Variants in EMILIN1 observed in about 807,000 individuals in gnomAD.
EMILIN1 encodes the protein elastin microfibril interfacer 1.
Under a neutral mutation model 82.4 loss-of-function variants are expected in EMILIN1, and 49 were observed. The ratio of observed to expected loss-of-function variants is 0.59; its 90% confidence interval spans 0.47 to 0.75. The LOEUF (loss-of-function observed/expected upper bound fraction) is 0.75, where lower values mean the gene tolerates loss of function less well. EMILIN1 is among the 30% of genes least tolerant of loss of function. The pLI is 0.00. For synonymous variants in EMILIN1, 604 were observed against 602.2 expected, an observed-to-expected ratio of 1.00 and a Z score of -0.04; for missense variants, 1,313 against 1,366.4, an observed-to-expected ratio of 0.96 and a Z score of 0.62.
At chr2:27,080,414 G>C (rs1056197581) in intron 2 of EMILIN1, 144 bp downstream of exon 2, 1 of 1,184,654 alleles carries the variant, frequency 8.4e-7, no homozygotes, top group African/African-American at 1.5e-5. Context: ...GAGATACTGA[G>C]ACAACAGTTT....
chr2:27,086,157 C>T lies in EMILIN1; in HGVS notation c.*142C>T, dbSNP rs1313827599. On this transcript the variant is annotated 3_prime_UTR_variant, in exon 8 of 8. Coordinates refer to ENST00000380320, the MANE Select transcript of EMILIN1 (RefSeq NM_007046.4). ...GCAGCGGCACCGCGCCCAGAGCGGC[C>T]TCTCCCCACGCCCGGGGCGCGCCGG... The T allele has an allele frequency of 1.8e-6, 1 of 561,158 alleles. No homozygotes were observed. Among genetic ancestry groups the T allele is most frequent in the African/African-American group, 2.0e-5 (1 of 51,186 alleles). The allele number at this position is 561,158 out of a possible 1,614,324, so 34.8% of individuals were successfully genotyped here.
Position 27,085,677 on chromosome 2 carries a change from G to A in EMILIN1, c.2714-1G>A, listed in dbSNP as rs1482453118. The A allele has an allele frequency of 1.3e-6, 2 of 1,595,950 alleles. No homozygotes were observed. The highest frequency in any genetic ancestry group is 1.7e-6 in the Non-Finnish European group (2 of 1,166,622). ...CCCCTGACTGCTATCCTTGTCCCCA[G>A]GCGTGTTCACAGCGCCACTGGCTGG... On this transcript the variant is annotated splice_acceptor_variant, in intron 7 of 7. Transcript: ENST00000380320. LOFTEE classifies it high-confidence loss of function.
At position 27,079,139 on chromosome 2, in the gene EMILIN1, C is replaced by G; in HGVS notation, c.74C>G (p.Pro25Arg). 6.2e-7 allele frequency: 1 copy of G among 1,604,380 alleles called. No homozygotes were observed. Among genetic ancestry groups the G allele is most frequent in the Non-Finnish European group, 8.5e-7 (1 of 1,175,814 alleles). Residue 25 changes from proline to arginine, a missense_variant, in exon 1 of 8, where the codon CCT (proline) becomes CGT (arginine). By Grantham distance (103) the Pro-to-Arg change is moderately radical. Transcript: ENST00000380320. ...GCAGCTGCAGGGGCCGCCAGCTACCCTCCTCGAGGTTTCAGCCTCTACACA... is the reference window on the plus strand; with the variant it reads ...GCAGCTGCAGGGGCCGCCAGCTACCGTCCTCGAGGTTTCAGCCTCTACACA... ...LTAAAGAASY[P>R]PRGFSLYTGS...
Position 27,083,965 on chromosome 2 carries a change from G to A in EMILIN1, c.2394G>A (p.Gln798=). The change falls in exon 4 of 8, where the codon CAG becomes CAA. Residue 798 remains glutamine (Q), a synonymous_variant. Transcript: ENST00000380320. ...TGGGTGCCCTTAACAGCTCCCTGCA[G>A]CTCCTGGAGGACCGTCTGCACCAGC... is the stretch of plus-strand genomic sequence containing the variant. The part of the protein sequence containing the change: ...RRLGALNSSL[Q]LLEDRLHQLS... The A allele has an allele frequency of 6.4e-7, 1 of 1,557,296 alleles. No individual in the cohort carries two copies. The highest frequency in any genetic ancestry group is 1.4e-5 in the African/African-American group (1 of 73,662).
chr2:27,080,903 C>G lies in EMILIN1; in HGVS notation c.462C>G (p.Asn154Lys), dbSNP rs375870434. The change falls in exon 3 of 8, where the codon AAC (asparagine) becomes AAG (lysine). Residue 154 changes from asparagine to lysine, a missense_variant. Physicochemically the swap from Asn to Lys is moderately conservative, Grantham distance 94. Coordinates refer to ENST00000380320, the MANE Select transcript of EMILIN1 (RefSeq NM_007046.4). ...PRPLARPARP[N>K]LSGSSAGSPL... ...CCCTGGCCCGGCCTGCCCGCCCCAA[C>G]CTCTCTGGCTCCAGTGCAGGCAGCC... is the stretch of plus-strand genomic sequence containing the variant. The G allele has an allele frequency of 1.6e-5, 25 of 1,607,332 alleles. No homozygotes were observed. Among genetic ancestry groups the G allele is most frequent in the Non-Finnish European group, 2.0e-5 (23 of 1,177,244 alleles).
chr2:27,080,319 G>T, intron 2 of EMILIN1, 49 bp downstream of exon 2: 1 of 1,605,274 alleles, frequency 6.2e-7, no homozygotes, highest in Non-Finnish European at 8.5e-7. Context: ...CTGGGCGAGG[G>T]CAGATGGTGG....
chr2:27,085,316 G>A lies in EMILIN1; in HGVS notation c.2713+19G>A, dbSNP rs1337501225. On this transcript the variant is annotated intron_variant, in intron 7 of 7. Coordinates refer to ENST00000380320, the MANE Select transcript of EMILIN1 (RefSeq NM_007046.4). The stretch of plus-strand genomic sequence containing the variant: ...GAGACAGGTAGTCCTGGGAGGGGCT[G>A]GGTTGAACGGTTGGAGAAATGGGTG... 3 of 1,613,676 alleles carry A rather than the reference G, an allele frequency of 1.9e-6. No homozygotes were observed. Among genetic ancestry groups the A allele is most frequent in the African/African-American group, 1.3e-5 (1 of 75,070 alleles).
chr2:27,079,081 C>T lies in EMILIN1; in HGVS notation c.16C>T (p.Leu6Phe), dbSNP rs768860914. MAPRTLWSCYLCCLLT... is the reference protein window; with the variant it reads MAPRTFWSCYLCCLLT... ...GCGCCCCGCCATGGCCCCCCGCACCCTCTGGAGCTGCTACCTCTGCTGCCT... is the reference window on the plus strand; with the variant it reads ...GCGCCCCGCCATGGCCCCCCGCACCTTCTGGAGCTGCTACCTCTGCTGCCT... The change falls in exon 1 of 8, where the codon CTC becomes TTC. Residue 6 changes from leucine (L) to phenylalanine (F), a missense_variant. Leu to Phe is a conservative substitution (Grantham distance 22). Transcript: ENST00000380320. 6.2e-7 allele frequency: 1 copy of T among 1,603,342 alleles called. No individual in the cohort carries two copies. Among genetic ancestry groups the T allele is most frequent in the East Asian group, 2.3e-5 (1 of 43,326 alleles).
Position 27,080,846 on chromosome 2 carries a change from A to G in EMILIN1, c.405A>G (p.Pro135=), listed in dbSNP as rs766602724. ...ATGACTGTGCTGAGAGTCCCGCTCC[A>G]GCGCTGGGGCCTGCGTCTTCCACAC... ...GGDDCAESPA[P]ALGPASSTPR... is the part of the protein sequence containing the mutation. Residue 135 remains proline, a synonymous_variant, in exon 3 of 8, where the codon CCA becomes CCG. Coordinates refer to ENST00000380320, the MANE Select transcript of EMILIN1 (RefSeq NM_007046.4). 1.9e-6 allele frequency: 3 copies of G among 1,612,508 alleles called. No individual in the cohort carries two copies. The highest frequency in any genetic ancestry group is 2.2e-5 in the East Asian group (1 of 44,866).
rs768770910 is a variant in EMILIN1, at chr2:27,082,247, G to C, written c.676G>C (p.Asp226His). ...CTTCAACGGGAGGCAGCAGCCAGCT[G>C]ACGCGGCTGCCCGCCCTGGGGTGCA... is the stretch of plus-strand genomic sequence containing the variant. The part of the protein sequence containing the change: ...TAFNGRQQPA[D>H]AAARPGVHET... The change falls in exon 4 of 8, where the codon GAC (aspartate) becomes CAC (histidine). Residue 226 changes from aspartate (D) to histidine (H), a missense_variant. By Grantham distance (81) the Asp-to-His change is moderately conservative. Transcript: ENST00000380320. The C allele has an allele frequency of 6.2e-7, 1 of 1,613,310 alleles. No individual in the cohort carries two copies. Among genetic ancestry groups the C allele is most frequent in the South Asian group, 1.1e-5 (1 of 91,086 alleles).
chr2:27,083,729 T>G lies in EMILIN1; in HGVS notation c.2158T>G (p.Cys720Gly). 6.2e-7 allele frequency: 1 copy of G among 1,613,740 alleles called. No homozygotes were observed. The highest frequency in any genetic ancestry group is 8.5e-7 in the Non-Finnish European group (1 of 1,179,678). The change falls in exon 4 of 8, where the codon TGC becomes GGC. Residue 720 changes from cysteine to glycine, a missense_variant. Cys to Gly is a radical substitution (Grantham distance 159). Coordinates refer to ENST00000380320, the MANE Select transcript of EMILIN1 (RefSeq NM_007046.4). ...LEEGQAQAGQ[C>G]PSLEGRLGRL... ...GGAGGGACAAGCACAGGCCGGCCAG[T>G]GCCCCAGCTTAGAGGGGCGATTGGG...
At position 27,085,961 on chromosome 2, in the gene EMILIN1, C is replaced by A; in HGVS notation, c.2997C>A (p.Leu999=). 1 of 1,508,374 alleles carries A rather than the reference C, an allele frequency of 6.6e-7. No individual in the cohort carries two copies. The allele number at this position is 1,508,374 out of a possible 1,614,324, so 93.4% of individuals were successfully genotyped here. Residue 999 remains leucine, a synonymous_variant, in exon 8 of 8, where the codon CTC becomes CTA. Transcript: ENST00000380320. ...AGCTGGCGCACTCGGAGGAGCCGCT[C>A]ACCATCTTCAGCGGGGCCCTGCTCT... is the stretch of plus-strand genomic sequence containing the variant. ...MGQLAHSEEP[L]TIFSGALLYG... is the part of the protein sequence containing the mutation.
Position 27,080,226 on chromosome 2 carries a change from C to A in EMILIN1, c.246C>A (p.Tyr82Ter). 1.2e-6 allele frequency: 2 copies of A among 1,614,112 alleles called. No homozygotes were observed. The highest frequency in any genetic ancestry group is 2.2e-5 in the East Asian group (1 of 44,870). ...ATGGAGTGGAGACATATGTCAAGTA[C>A]CAGCCTTGTGCCTGGGGCCAGCCCC... ...LEDGVETYVK[Y>*]QPCAWGQPQC... The change falls in exon 2 of 8, where the codon TAC becomes TAA. Residue 82 changes from tyrosine (Y) to a stop codon, truncating the protein, a stop_gained. Coordinates refer to ENST00000380320, the MANE Select transcript of EMILIN1 (RefSeq NM_007046.4). LOFTEE classifies it high-confidence loss of function.
Position 27,080,364 on chromosome 2 carries a change from G to A in EMILIN1, c.290+94G>A. 2.6e-6 allele frequency: 4 copies of A among 1,519,082 alleles called. 1 individual carries two copies. In the South Asian group the frequency reaches 4.7e-5, roughly 18 times the overall value. 94.1% of individuals were successfully genotyped at this position (1,519,082 alleles called of 1,614,324 possible). On this transcript the variant is annotated intron_variant, in intron 2 of 7. Coordinates refer to ENST00000380320, the MANE Select transcript of EMILIN1 (RefSeq NM_007046.4). ...TCAGGGAGTCTGTATGAAGCAGGGA[G>A]CAAGGGCAGGACAGGGGCTAGGGTC...
rs1344966520 is a variant in EMILIN1, at chr2:27,084,030, T to G, written c.2440+19T>G. The G allele has an allele frequency of 1.2e-5, 18 of 1,460,944 alleles. 2 individuals carry two copies. In the South Asian group the frequency reaches 2.3e-4, roughly 18 times the overall value. 90.5% of individuals were successfully genotyped at this position (1,460,944 alleles called of 1,614,324 possible). On this transcript the variant is annotated intron_variant, in intron 4 of 7. Coordinates refer to ENST00000380320, the MANE Select transcript of EMILIN1 (RefSeq NM_007046.4). Reference sequence around the variant, plus strand: ...CTCACTGGTGAGGGGACAAAAGGCATGAGGGGACCCCTTTCAAGCCCCTTA... The same window carrying G: ...CTCACTGGTGAGGGGACAAAAGGCAGGAGGGGACCCCTTTCAAGCCCCTTA...
Position 27,084,485 on chromosome 2 carries a change from A to G in EMILIN1, c.2511A>G (p.Pro837=). The part of the protein sequence containing the change: ...LQGPPGPAGP[P]GSPGKDGQEG... The stretch of plus-strand genomic sequence containing the variant: ...GACCCCCAGGCCCTGCTGGACCTCC[A>G]GGATCACCAGGCAAGGACGGGCAAG... Residue 837 remains proline (P), a synonymous_variant, in exon 5 of 8, where the codon CCA becomes CCG. Coordinates refer to ENST00000380320, the MANE Select transcript of EMILIN1 (RefSeq NM_007046.4). 1 of 1,613,248 alleles carries G rather than the reference A, an allele frequency of 6.2e-7. No homozygotes were observed. The highest frequency in any genetic ancestry group is 8.5e-7 in the Non-Finnish European group (1 of 1,179,858).
intron 2 of EMILIN1, 83 bp downstream of exon 2, chr2:27,080,353 T>C: frequency 4.5e-6 from 7 of 1,563,750 alleles, no homozygotes; most frequent in Non-Finnish European, 6.1e-6. Flanking sequence ...GGAGTCTGTA[T>C]GAAGCAGGGA....
At position 27,085,167 on chromosome 2, in the gene EMILIN1, G is replaced by A. The variant is rs1669580478; in HGVS notation, c.2583G>A (p.Glu861=). The A allele has an allele frequency of 6.2e-7, 1 of 1,614,152 alleles. No homozygotes were observed. The highest frequency in any genetic ancestry group is 8.5e-7 in the Non-Finnish European group (1 of 1,180,036). ...TCCACCCTTCCCACTCAGGAGTGGA[G>A]GGGGCACCAGCAGCCCCTGTGCCCC... ...PPGPQGEQGV[E]GAPAAPVPQV... is the part of the protein sequence containing the mutation. Residue 861 remains glutamate, a synonymous_variant, in exon 7 of 8, where the codon GAG becomes GAA. Coordinates refer to ENST00000380320, the MANE Select transcript of EMILIN1 (RefSeq NM_007046.4).
Position 27,083,587 on chromosome 2 carries a change from C to T in EMILIN1, c.2016C>T (p.Gly672=), listed in dbSNP as rs36035398. Residue 672 remains glycine, a synonymous_variant, in exon 4 of 8, where the codon GGC becomes GGT. Coordinates refer to ENST00000380320, the MANE Select transcript of EMILIN1 (RefSeq NM_007046.4). ...NELQTTVEGQ[G]ADLADLGATK... ...TCCAGACCACTGTGGAGGGCCAGGG[C>T]GCTGATCTGGCTGACCTGGGGGCAA... The T allele has an allele frequency of 7.2e-3, 11,649 of 1,613,764 alleles. 71 individuals are homozygous for T. The highest frequency in any genetic ancestry group is 7.9e-3 in the Non-Finnish European group (9,322 of 1,179,720).
Sources: allele counts gnomAD v4.1 joint callset, GRCh38; gene constraint gnomAD v4.1.1; transcripts MANE v1.5; gene names NCBI Gene and HGNC (gene_info 2026-07-23, HGNC 2026-07-21).